The following SLC35F3 variants were observed in gnomAD, a reference collection of about 807,000 sequenced individuals.
SLC35F3 encodes solute carrier family 35 member F3, also known as putative thiamine transporter SLC35F3.
In SLC35F3, 25 loss-of-function variants were observed where a neutral mutation model predicts 49.9. The observed-to-expected ratio is 0.50, with a 90% CI of 0.37 to 0.70. The LOEUF is 0.70. SLC35F3 is among the 30% of genes least tolerant of loss of function. The pLI, the probability that SLC35F3 is intolerant of heterozygous loss-of-function variation, is 0.00. For missense variants in SLC35F3, 525 were observed against 639.8 expected (o/e 0.82, Z 1.94); for synonymous variants, 275 against 265.4 (o/e 1.04, Z -0.35).
rs138928814 is a variant in SLC35F3, at chr1:234,060,821, T to C, written c.283+155063T>C. ...CTGTTTCTCTCCATTTCTTCCTGTG[T>C]ATTTGAGTTACAATCTGAAGTAATC... is the stretch of plus-strand genomic sequence containing the variant. On this transcript the variant is annotated intron_variant, in intron 2 of 7. Transcript: ENST00000366618. Among the ~76,000 whole-genome samples, 365 of 152,296 alleles carry C rather than the reference T, an allele frequency of 2.4e-3. 2 individuals are homozygous for C. Among genetic ancestry groups the C allele is most frequent in the African/African-American group, 8.2e-3 (341 of 41,578 alleles).
At chr1:233,992,494 C>T (rs890006784) in intron 2 of SLC35F3, among the ~76,000 whole-genome samples, 13 of 152,136 alleles carry the variant, frequency 8.5e-5, no homozygotes, top group African/African-American at 2.7e-4. Context: ...GGCTCTGTAA[C>T]AACCCACTCT....
intron 2 of SLC35F3, among the ~76,000 whole-genome samples, chr1:234,184,603 G>A (rs771244557): frequency 4.6e-5 from 7 of 152,138 alleles, no homozygotes; most frequent in Non-Finnish European, 7.3e-5. Flanking sequence ...GAATGCTGCC[G>A]CAGGCCAGAG....
At chr1:233,909,147 G>A (rs974925823) in intron 2 of SLC35F3, among the ~76,000 whole-genome samples, 1 of 152,110 alleles carries the variant, frequency 6.6e-6, no homozygotes, top group Non-Finnish European at 1.5e-5. Flanking sequence ...ATGAGCCACC[G>A]CACCCAGCCT....
intron 2 of SLC35F3, among the ~76,000 whole-genome samples, chr1:233,966,643 A>G (rs1195239211): frequency 2.6e-5 from 4 of 152,246 alleles, no homozygotes; most frequent in Admixed American, 1.3e-4. Flanking sequence ...TAAAAAAATA[A>G]TAACATTAGG....
chr1:234,058,266 C>A (rs539330123), intron 2 of SLC35F3, among the ~76,000 whole-genome samples: 28 of 144,082 alleles, frequency 1.9e-4, no homozygotes, highest in Non-Finnish European at 4.2e-4. Flanking sequence ...ACCTTGTATT[C>A]CTATAATAAG....
intron 2 of SLC35F3, among the ~76,000 whole-genome samples, chr1:234,210,845 CAAG>C (rs1049566160): frequency 1.3e-5 from 2 of 152,198 alleles, no homozygotes; most frequent in Admixed American, 6.5e-5. Flanking sequence ...GCATAAATAA[CAAG>C]GAGCTGAATG....
At chr1:233,946,482 G>T (rs1393645785) in intron 2 of SLC35F3, among the ~76,000 whole-genome samples, 1 of 152,186 alleles carries the variant, frequency 6.6e-6, no homozygotes, top group Non-Finnish European at 1.5e-5. Context: ...CTTGTGAACA[G>T]TTGCAAATTA....
intron 2 of SLC35F3, among the ~76,000 whole-genome samples, chr1:234,117,912 ATGTGTGTGTGTGTGTGTGTGTGTGTGTG>A (rs370186911): frequency 1.8e-5 from 2 of 113,934 alleles, no homozygotes; most frequent in Admixed American, 1.1e-4. Flanking sequence ...AAGACTATAT[ATGTGTGTGTGTGTGTGTGTGTGTGTGTG>A]TGTGTGTGTG....
chr1:234,244,499 T>C (rs1481104278), intron 3 of SLC35F3, among the ~76,000 whole-genome samples: 3 of 152,206 alleles, frequency 2.0e-5, no homozygotes, highest in African/African-American at 7.2e-5. Flanking sequence ...GCAGGAATCA[T>C]TTCCCTCTGT....
At chr1:234,052,861 G>A (rs1290842749) in intron 2 of SLC35F3, among the ~76,000 whole-genome samples, 1 of 152,196 alleles carries the variant, frequency 6.6e-6, no homozygotes, top group Non-Finnish European at 1.5e-5. Context: ...TGGTTTCAAA[G>A]AACATCTTTA....
At chr1:233,982,819 C>T (rs772166529) in intron 2 of SLC35F3, among the ~76,000 whole-genome samples, 4 of 152,148 alleles carry the variant, frequency 2.6e-5, no homozygotes, top group Non-Finnish European at 4.4e-5. Context: ...GGGAGGGAGA[C>T]GTTAACAACT....
intron 2 of SLC35F3, among the ~76,000 whole-genome samples, chr1:234,023,428 A>G (rs1000412811): frequency 6.6e-6 from 1 of 152,220 alleles, no homozygotes; most frequent in African/African-American, 2.4e-5. Flanking sequence ...CAACAAAATA[A>G]AGAGAGTAGT....
In SLC35F3 at chr1:233,941,964, T is replaced by G. The variant is rs111599683; in HGVS notation, c.283+36206T>G. Among the ~76,000 whole-genome samples the G allele has an allele frequency of 5.6e-3, 232 of 41,690 alleles. 3 individuals carry two copies. Among genetic ancestry groups the G allele is most frequent in the Admixed American group, 0.043 (127 of 2,974 alleles). 27.4% of individuals were successfully genotyped at this position (41,690 alleles called of 152,430 possible). On this transcript the variant is annotated intron_variant, in intron 2 of 7. Transcript: ENST00000366618. Reference sequence around the variant, plus strand: ...TTGGGGTTGTTTTTTGTTTTTTTGTTTTTTTTTTTTTTTTTTAGATGGAGT... The same window carrying G: ...TTGGGGTTGTTTTTTGTTTTTTTGTGTTTTTTTTTTTTTTTTAGATGGAGT...
At chr1:234,083,576 G>A (rs771583185) in intron 2 of SLC35F3, among the ~76,000 whole-genome samples, 24 of 152,220 alleles carry the variant, frequency 1.6e-4, no homozygotes, top group Non-Finnish European at 2.2e-4. Flanking sequence ...CTGCACCCTC[G>A]ATGTCTTCAT....
At chr1:234,166,727 CG>C (rs1176308161) in intron 2 of SLC35F3, among the ~76,000 whole-genome samples, 1 of 152,204 alleles carries the variant, frequency 6.6e-6, no homozygotes. Context: ...GAATGCTGTG[CG>C]GATTGCACTA....
intron 2 of SLC35F3, among the ~76,000 whole-genome samples, chr1:234,134,711 T>C (rs1043957983): frequency 6.6e-6 from 1 of 151,766 alleles, no homozygotes; most frequent in Non-Finnish European, 1.5e-5. Flanking sequence ...CTGGCACTGG[T>C]TTTTTTGTGG....
intron 2 of SLC35F3, among the ~76,000 whole-genome samples, chr1:234,194,673 C>T (rs1666780734): frequency 6.6e-6 from 1 of 152,020 alleles, no homozygotes. Context: ...GTCCCCAAGA[C>T]CCCTTAAAGG....
intron 2 of SLC35F3, among the ~76,000 whole-genome samples, chr1:233,952,136 G>A (rs1390535464): frequency 6.6e-6 from 1 of 151,430 alleles, no homozygotes; most frequent in African/African-American, 2.4e-5. Context: ...TCTTTTTATG[G>A]TGCTTTTTTT....
chr1:233,933,278 GT>G (rs1383241339), intron 2 of SLC35F3, among the ~76,000 whole-genome samples: 1 of 152,014 alleles, frequency 6.6e-6, no homozygotes, highest in Admixed American at 6.6e-5. Flanking sequence ...TATTTCCATG[GT>G]TTAATTCCAA....
Sources: gnomAD v4.1 joint callset for allele counts (sites outside exome capture counted in the v4.1 genomes callset) on GRCh38, gnomAD v4.1.1 for gene constraint, MANE v1.5 for transcripts, NCBI Gene and HGNC (gene_info 2026-07-23, HGNC 2026-07-21) for gene names.